Variants in STT3A observed in about 807,000 individuals in gnomAD.
STT3A encodes the protein dolichyl-diphosphooligosaccharide--protein glycosyltransferase subunit STT3A.
Under a neutral mutation model 89.2 loss-of-function variants are expected in STT3A, and 34 were observed. The observed-to-expected ratio is 0.38, with a 90% confidence interval of 0.29 to 0.51. STT3A has a LOEUF of 0.51. STT3A is among the 20% of genes least tolerant of loss of function. The pLI is 0.89. For synonymous variants in STT3A, 282 were observed against 310.3 expected (o/e 0.91, Z 0.96); for missense variants, 555 against 889.5 (o/e 0.62, Z 4.78).
chr11:125,618,260 A>C, intron 15 of STT3A, 113 bp from the exon 16 acceptor site: 1 of 990,328 alleles, frequency 1.0e-6, no homozygotes, highest in East Asian at 2.6e-5. Flanking sequence ...ATTAGAGTTA[A>C]ATGATACCAA....
Position 125,622,161 on chromosome 11 carries a change from T to C in STT3A, c.*1351T>C, listed in dbSNP as rs1471446239. ...TTAATAAAAGCTAACTGTTTAGTGT[T>C]ATCCATTTAAGGGAACAGGAGGAAT... On this transcript the variant is annotated 3_prime_UTR_variant, in exon 18 of 18. Coordinates refer to ENST00000392708, the MANE Select transcript of STT3A (RefSeq NM_152713.5). The C allele has an allele frequency of 6.6e-6, 1 of 152,260 alleles. No individual in the cohort carries two copies. Among genetic ancestry groups the C allele is most frequent in the East Asian group, 1.9e-4 (1 of 5,208 alleles). The allele number at this position is 152,260 out of a possible 1,614,324, so 9.4% of individuals were successfully genotyped here.
At position 125,608,138 on chromosome 11, in the gene STT3A, C is replaced by G. The variant is rs1051716; in HGVS notation, c.810C>G (p.Ala270=). 6.2e-7 allele frequency: 1 copy of G among 1,612,928 alleles called. No homozygotes were observed. The highest frequency in any genetic ancestry group is 1.3e-5 in the African/African-American group (1 of 74,794). The part of the protein sequence containing the change: ...QPVLSSEHMA[A]FGVFGLCQIH... ...TCCTTTCATCAGAGCACATGGCAGCCTTTGGGGTCTTTGGTCTCTGCCAGA... is the reference window on the plus strand; with the variant it reads ...TCCTTTCATCAGAGCACATGGCAGCGTTTGGGGTCTTTGGTCTCTGCCAGA... The change falls in exon 9 of 18, where the codon GCC becomes GCG. Residue 270 remains alanine, a synonymous_variant. Transcript: ENST00000392708.
Position 125,612,654 on chromosome 11 carries a change from G to C in STT3A, c.1272G>C (p.Gln424His), listed in dbSNP as rs1002320867. The change falls in exon 12 of 18, where the codon CAG becomes CAC. Residue 424 changes from glutamine (Q) to histidine (H), a missense_variant. Coordinates refer to ENST00000392708, the MANE Select transcript of STT3A (RefSeq NM_152713.5). ...TTCTCTCTGGCATTGGAGTCTCCCA[G>C]GTGCTGTCCACATACATGAAGAATC... ...MCILSGIGVS[Q>H]VLSTYMKNLD... The C allele has an allele frequency of 2.5e-6, 4 of 1,614,148 alleles. No homozygotes were observed. The highest frequency in any genetic ancestry group is 3.4e-6 in the Non-Finnish European group (4 of 1,180,034).
chr11:125,619,918 A>G, intron 16 of STT3A, 93 bp from the exon 17 acceptor site: 3 of 1,063,884 alleles, frequency 2.8e-6, no homozygotes, highest in Non-Finnish European at 4.1e-6. Context: ...AGGAATAATC[A>G]TCAATTAGTA....
chr11:125,600,978 C>T (rs1939655561), intron 3 of STT3A, among the ~76,000 whole-genome samples: 1 of 152,030 alleles, frequency 6.6e-6, no homozygotes, highest in Non-Finnish European at 1.5e-5. Flanking sequence ...TTTGTAGAGA[C>T]AGAGTCTCAC....
At position 125,608,361 on chromosome 11, in the gene STT3A, C is replaced by A. The variant is rs1939898827; in HGVS notation, c.961+72C>A. The A allele has an allele frequency of 2.0e-6, 3 of 1,473,062 alleles. No individual in the cohort carries two copies. In the East Asian group the frequency reaches 6.9e-5, roughly 34 times the overall value. The allele number at this position is 1,473,062 out of a possible 1,614,324, so 91.2% of individuals were successfully genotyped here. ...TGGAGTTTCGCTCTTGTTGCCCAGG[C>A]CGGAGTGCAGTGGTGCGATCTCGGC... is the stretch of plus-strand genomic sequence containing the variant. On this transcript the variant is annotated intron_variant, in intron 9 of 17. Coordinates refer to ENST00000392708, the MANE Select transcript of STT3A (RefSeq NM_152713.5).
chr11:125,598,448 G>T (rs1321458961), intron 3 of STT3A, among the ~76,000 whole-genome samples: 2 of 152,088 alleles, frequency 1.3e-5, no homozygotes, highest in East Asian at 3.9e-4. Flanking sequence ...TCAATCTTGT[G>T]GAGTATTGAT....
intron 2 of STT3A, among the ~76,000 whole-genome samples, chr11:125,596,727 T>C (rs574692570): frequency 8.2e-6 from 1 of 122,126 alleles, no homozygotes; most frequent in African/African-American, 4.0e-5. Flanking sequence ...AAGGTTAAGG[T>C]TAGTTATGTG....
At chr11:125,619,229 T>G (rs1046911091) in intron 16 of STT3A, among the ~76,000 whole-genome samples, 2 of 151,794 alleles carry the variant, frequency 1.3e-5, no homozygotes, top group African/African-American at 4.8e-5. Context: ...TTTTTTTTTT[T>G]TTGTATTTTT....
At chr11:125,607,361 A>G (rs971098464) in intron 8 of STT3A, among the ~76,000 whole-genome samples, 1 of 152,236 alleles carries the variant, frequency 6.6e-6, no homozygotes. Flanking sequence ...TAAGTTGAAA[A>G]GCATTTGTAT....
chr11:125,604,436 C>G (rs955088911), intron 6 of STT3A, among the ~76,000 whole-genome samples, 189 bp downstream of exon 6: 8 of 152,148 alleles, frequency 5.3e-5, no homozygotes, highest in African/African-American at 1.9e-4. Context: ...TAGTTGGTAA[C>G]TTTTCTTACA....
At chr11:125,596,931 T>G in intron 2 of STT3A, 128 bp from the exon 3 acceptor site, 1 of 1,020,076 alleles carries the variant, frequency 9.8e-7, no homozygotes, top group Non-Finnish European at 1.5e-6. Flanking sequence ...GATAAAGACT[T>G]TATTCAGGGA....
At chr11:125,603,433 G>T (rs7114206) in intron 5 of STT3A, 16,232 of 155,056 alleles carry the variant, frequency 0.1, 1,244 homozygotes, top group African/African-American at 0.22. Flanking sequence ...CAGCATTGCT[G>T]ACCTTGGCTC....
chr11:125,594,852 A>G (rs1939441489), intron 1 of STT3A: 1 of 152,132 alleles, frequency 6.6e-6, no homozygotes, highest in Admixed American at 6.6e-5. Context: ...AGTCTCTTAA[A>G]TCAGCATTGT....
At chr11:125,599,301 G>T (rs2135909378) in intron 3 of STT3A, among the ~76,000 whole-genome samples, 1 of 152,326 alleles carries the variant, frequency 6.6e-6, no homozygotes, top group East Asian at 1.9e-4. Context: ...TTCAAAACTT[G>T]ACTGACCAAG....
intron 12 of STT3A, 114 bp downstream of exon 12, chr11:125,612,861 G>A: frequency 6.6e-7 from 1 of 1,513,296 alleles, no homozygotes; most frequent in South Asian, 1.3e-5. Flanking sequence ...TAGGTGGTCA[G>A]AATTAACTCA....
chr11:125,604,083 T>A, intron 5 of STT3A, 74 bp from the exon 6 acceptor site: 1 of 1,464,720 alleles, frequency 6.8e-7, no homozygotes, highest in Non-Finnish European at 9.5e-7. Flanking sequence ...ATAAACAGAA[T>A]GGACTAGTGG....
intron 6 of STT3A, among the ~76,000 whole-genome samples, chr11:125,605,253 G>A (rs1939798382): frequency 6.6e-6 from 1 of 152,044 alleles, no homozygotes; most frequent in Non-Finnish European, 1.5e-5. Context: ...GGCAATTGGG[G>A]CATGAGTATT....
chr11:125,612,852 A>C (rs2135938841), intron 12 of STT3A, 105 bp downstream of exon 12: 1 of 1,518,960 alleles, frequency 6.6e-7, no homozygotes. Context: ...GCACTGTCCT[A>C]GGTGGTCAGA....
Sources: allele counts gnomAD v4.1 joint callset (sites outside exome capture counted in the v4.1 genomes callset), GRCh38; gene constraint gnomAD v4.1.1; transcripts MANE v1.5; gene names NCBI Gene and HGNC (gene_info 2026-07-23, HGNC 2026-07-21).